TNIP3: variants seen among roughly 807,000 people sequenced by gnomAD.
TNIP3 encodes TNFAIP3 interacting protein 3, also known as TNFAIP3-interacting protein 3.
TNIP3 carries 34 observed loss-of-function variants against 54.1 expected under a neutral mutation model. The observed-to-expected ratio is 0.63, with a 90% CI of 0.48 to 0.84. The LOEUF (loss-of-function observed/expected upper bound fraction) is 0.84, where lower values mean the gene tolerates loss of function less well. TNIP3 is among the 40% of genes least tolerant of loss of function. The pLI, the probability that TNIP3 is intolerant of heterozygous loss-of-function variation, is 0.00. For missense variants in TNIP3, 366 were observed against 387.6 expected (o/e 0.94, Z 0.47); for synonymous variants, 134 against 136.8 (o/e 0.98, Z 0.14).
intron 4 of TNIP3, among the ~76,000 whole-genome samples, chr4:121,156,302 G>T (rs991872058): frequency 2.0e-5 from 3 of 152,096 alleles, no homozygotes; most frequent in East Asian, 1.9e-4. Flanking sequence ...CTAAAATAAC[G>T]AGGGGCCATT....
chr4:121,203,550 A>C (rs1158576192), intron 2 of TNIP3, among the ~76,000 whole-genome samples: 1 of 152,136 alleles, frequency 6.6e-6, no homozygotes, highest in Non-Finnish European at 1.5e-5. Flanking sequence ...CCAAAATCTC[A>C]GAATTCACCA....
intron 1 of TNIP3, among the ~76,000 whole-genome samples, chr4:121,221,883 C>A (rs1579515421): frequency 1.3e-5 from 2 of 152,256 alleles, no homozygotes; most frequent in Non-Finnish European, 2.9e-5. Context: ...AGGTTCTCTA[C>A]AGCTCAATCA....
At chr4:121,221,788 A>T (rs780668815) in intron 1 of TNIP3, among the ~76,000 whole-genome samples, 33 of 152,224 alleles carry the variant, frequency 2.2e-4, no homozygotes, top group Admixed American at 5.2e-4. Flanking sequence ...ATTTCTGAGA[A>T]AGGTGTCAAA....
chr4:121,209,108 A>G (rs776249820), intron 2 of TNIP3, among the ~76,000 whole-genome samples: 15 of 152,212 alleles, frequency 9.9e-5, no homozygotes, highest in Non-Finnish European at 4.4e-5. Context: ...TTGGTAACAC[A>G]TTGATGTGCT....
intron 3 of TNIP3, among the ~76,000 whole-genome samples, chr4:121,176,536 ATG>A (rs1724358881): frequency 1.3e-5 from 2 of 152,002 alleles, no homozygotes; most frequent in Non-Finnish European, 2.9e-5. Context: ...GATGATGATG[ATG>A]ATGATGATGA....
At chr4:121,147,305 G>A in intron 6 of TNIP3, 131 bp from the exon 7 acceptor site, 1 of 1,118,752 alleles carries the variant, frequency 8.9e-7, no homozygotes, top group Non-Finnish European at 1.2e-6. Context: ...CAGTGTCACT[G>A]TTTTGGAGCA....
chr4:121,199,369 A>C (rs1725762355), intron 2 of TNIP3, among the ~76,000 whole-genome samples: 1 of 152,176 alleles, frequency 6.6e-6, no homozygotes, highest in Admixed American at 6.5e-5. Context: ...TTTGCACTTA[A>C]AAGAAGTCGG....
At chr4:121,184,965 A>G (rs769675181) in intron 2 of TNIP3, among the ~76,000 whole-genome samples, 5 of 152,234 alleles carry the variant, frequency 3.3e-5, no homozygotes, top group Admixed American at 6.5e-5. Flanking sequence ...AAGTAGCAAC[A>G]GAATTGGACT....
intron 3 of TNIP3, among the ~76,000 whole-genome samples, chr4:121,170,421 C>G (rs1453197944): frequency 6.6e-6 from 1 of 152,142 alleles, no homozygotes. Context: ...ATAGGCTTTG[C>G]CTCCAAACCA....
Position 121,164,205 on chromosome 4 carries a change from A to C in TNIP3, c.-80T>G. On this transcript the variant is annotated 5_prime_UTR_variant, in exon 1 of 11. Transcript: ENST00000057513. Reference sequence around the variant, plus strand: ...CTCTTAAGGTATATTTTAGGGTGAGAGCAAGTATACAAAATTTAAAAAACA... The same window carrying C: ...CTCTTAAGGTATATTTTAGGGTGAGCGCAAGTATACAAAATTTAAAAAACA... 1.3e-6 allele frequency: 2 copies of C among 1,599,188 alleles called. No homozygotes were observed.
upstream of TNIP3, among the ~76,000 whole-genome samples, chr4:121,221,228 A>G (rs1727012023): frequency 6.6e-6 from 1 of 152,182 alleles, no homozygotes; most frequent in Non-Finnish European, 1.5e-5. Context: ...TTTTCTAATA[A>G]TATCTTTAAT....
intron 2 of TNIP3, among the ~76,000 whole-genome samples, chr4:121,211,252 C>T (rs1468335455): frequency 6.6e-6 from 1 of 152,120 alleles, no homozygotes; most frequent in Non-Finnish European, 1.5e-5. Context: ...TATGAAGTGA[C>T]AGCTAGAGTC....
chr4:121,150,171 A>G lies in TNIP3; in HGVS notation c.541T>C (p.Leu181=), dbSNP rs752709207. Reference sequence around the variant, plus strand: ...CAGAATTCCACTCGAGACTTCCTCAAACAGTCCTCGGAAAATGAACACTTG... The same window carrying G: ...CAGAATTCCACTCGAGACTTCCTCAGACAGTCCTCGGAAAATGAACACTTG... ...NIKCSFSEDC[L]RKSRVEFCHE... is the part of the protein sequence containing the mutation. Residue 181 remains leucine, a synonymous_variant, in exon 6 of 11, where the codon TTG becomes CTG. Coordinates refer to ENST00000057513, the MANE Select transcript of TNIP3 (RefSeq NM_024873.6). 6.8e-6 allele frequency: 11 copies of G among 1,613,942 alleles called. No homozygotes were observed. Among genetic ancestry groups the G allele is most frequent in the Non-Finnish European group, 8.5e-6 (10 of 1,179,914 alleles).
chr4:121,147,323 C>T, intron 6 of TNIP3, 149 bp from the exon 7 acceptor site: 1 of 892,698 alleles, frequency 1.1e-6, no homozygotes, highest in Non-Finnish European at 1.6e-6. Flanking sequence ...GCAAGTCATC[C>T]ATCCCTAACA....
chr4:121,185,863 A>G (rs116776488), intron 2 of TNIP3, among the ~76,000 whole-genome samples: 3,976 of 152,316 alleles, frequency 0.026, 85 homozygotes, highest in Admixed American at 0.036. Context: ...TTGAGTATCC[A>G]TTATTGCAAG....
At chr4:121,169,022 T>G (rs1296842851), upstream of TNIP3, among the ~76,000 whole-genome samples, 1 of 152,130 alleles carries the variant, frequency 6.6e-6, no homozygotes, top group East Asian at 1.9e-4. Context: ...GTTTTCCTGC[T>G]TCTATTTTTG....
upstream of TNIP3, among the ~76,000 whole-genome samples, chr4:121,166,611 G>A (rs1417661839): frequency 6.6e-6 from 1 of 152,160 alleles, no homozygotes; most frequent in Non-Finnish European, 1.5e-5. Flanking sequence ...TTAACAAAGG[G>A]AAATGTGGTA....
At chr4:121,153,140 A>C (rs1020748181) in intron 5 of TNIP3, among the ~76,000 whole-genome samples, 2 of 152,216 alleles carry the variant, frequency 1.3e-5, no homozygotes, top group African/African-American at 4.8e-5. Context: ...TTGAGATTTT[A>C]TAATTGTAAA....
chr4:121,158,616 G>T (rs1730254735), intron 3 of TNIP3, 71 bp downstream of exon 3: 2 of 1,213,702 alleles, frequency 1.6e-6, no homozygotes, highest in South Asian at 1.3e-5. Context: ...AAATGAATGA[G>T]ACTCTTCACA....
Sources: gnomAD v4.1 joint callset for allele counts (sites outside exome capture counted in the v4.1 genomes callset) on GRCh38, gnomAD v4.1.1 for gene constraint, MANE v1.5 for transcripts, NCBI Gene and HGNC (gene_info 2026-07-23, HGNC 2026-07-21) for gene names.